Variants in SLC4A7 observed in about 807,000 individuals in gnomAD.
The protein encoded by SLC4A7 is solute carrier family 4 member 7.
A neutral mutation model predicts 137.6 loss-of-function variants in SLC4A7; 51 were observed. That is an observed-to-expected ratio of 0.37 (90% CI 0.30 to 0.47). SLC4A7 has a LOEUF of 0.47. Ranked by LOEUF, SLC4A7 falls within the 20% of genes least tolerant of loss-of-function variation. The probability of loss-of-function intolerance (pLI) is 1.00; values close to 1 mark genes in which losing one functional copy is unlikely to be tolerated. For synonymous variants in SLC4A7, 542 were observed against 518.6 expected, an observed-to-expected ratio of 1.05 and a Z score of -0.61; for missense variants, 1,247 against 1,525.4, an observed-to-expected ratio of 0.82 and a Z score of 3.04.
chr3:27,477,388 G>C (rs910922723), intron 1 of SLC4A7, among the ~76,000 whole-genome samples: 2 of 152,184 alleles, frequency 1.3e-5, no homozygotes, highest in Non-Finnish European at 2.9e-5. Flanking sequence ...TTAAAGATGT[G>C]AACTCACGGG....
At chr3:27,417,429 A>C (rs1464601885) in intron 11 of SLC4A7, among the ~76,000 whole-genome samples, 2 of 152,198 alleles carry the variant, frequency 1.3e-5, no homozygotes. Flanking sequence ...AGGAATATTC[A>C]ACCTCACTAA....
In SLC4A7 at chr3:27,431,669, C is replaced by T; in HGVS notation, c.779G>A (p.Gly260Glu). ...GTGGCGGGAGGCTGAAAGGCCTTCC[C>T]CTGAGATAAAACAAATAAATGAAAA... ...HSDPHLLERN[G>E]EGLSASRHSL... Residue 260 changes from glycine to glutamate, a missense_variant and splice_region_variant, in exon 7 of 26, where the codon GGG (glycine) becomes GAG (glutamate). By Grantham distance (98) the Gly-to-Glu change is moderately conservative (BLOSUM62 -2). Transcript: ENST00000454389. 6 of 1,532,358 alleles carry T rather than the reference C, an allele frequency of 3.9e-6. No homozygotes were observed. Among genetic ancestry groups the T allele is most frequent in the Admixed American group, 4.4e-5 (2 of 45,904 alleles). The allele number at this position is 1,532,358 out of a possible 1,614,324, so 94.9% of individuals were successfully genotyped here.
At position 27,385,976 on chromosome 3, in the gene SLC4A7, C is replaced by T. The variant is rs759654265; in HGVS notation, c.3408G>A (p.Thr1136=). 6.2e-6 allele frequency: 10 copies of T among 1,609,204 alleles called. No individual in the cohort carries two copies. The highest frequency in any genetic ancestry group is 1.6e-4 in the Middle Eastern group (1 of 6,076). The change falls in exon 23 of 26, where the codon ACG becomes ACA. Residue 1136 remains threonine, a synonymous_variant. Coordinates refer to ENST00000454389, the MANE Select transcript of SLC4A7 (RefSeq NM_001321103.2). ...FVRKLMDLCF[T]KRELSWLDDL... The stretch of plus-strand genomic sequence containing the variant: ...CATCAAGCCAACTAAGTTCTCTCTT[C>T]GTGAAACACAGGTCCATGAGTTTGC...
At chr3:27,426,520 T>A (rs892669484) in intron 7 of SLC4A7, among the ~76,000 whole-genome samples, 1 of 152,056 alleles carries the variant, frequency 6.6e-6, no homozygotes, top group South Asian at 2.1e-4. Context: ...TGTATATATA[T>A]CATCAAAAGC....
At chr3:27,384,517 C>T (rs2050741621) in intron 23 of SLC4A7, among the ~76,000 whole-genome samples, 2 of 152,114 alleles carry the variant, frequency 1.3e-5, no homozygotes, top group Non-Finnish European at 2.9e-5. Flanking sequence ...TTACTTGAAA[C>T]ACAAGAATAA....
chr3:27,396,632 T>C (rs2150117479), intron 18 of SLC4A7, among the ~76,000 whole-genome samples: 1 of 152,170 alleles, frequency 6.6e-6, no homozygotes, highest in East Asian at 1.9e-4. Context: ...CAGTGCAATA[T>C]TATAAAATTA....
chr3:27,416,807 TAAG>T (rs1413588868), intron 11 of SLC4A7, among the ~76,000 whole-genome samples: 2 of 152,146 alleles, frequency 1.3e-5, no homozygotes, highest in Non-Finnish European at 2.9e-5. Context: ...CAACATTCTT[TAAG>T]AATACAAAAA....
chr3:27,484,308 T>C lies in SLC4A7; in HGVS notation c.-182A>G, dbSNP rs1331895356. On this transcript the variant is annotated 5_prime_UTR_variant, in exon 1 of 26. Transcript: ENST00000454389. ...CGCCGGGCGCGGGAGACGCGGGGCG[T>C]GCGTGTGCGCGCTGCGACTGCTGGG... 2.6e-6 allele frequency: 1 copy of C among 377,494 alleles called. No homozygotes were observed. Among genetic ancestry groups the C allele is most frequent in the Non-Finnish European group, 4.5e-6 (1 of 220,284 alleles). The allele number at this position is 377,494 out of a possible 1,614,324, so 23.4% of individuals were successfully genotyped here.
chr3:27,404,864 G>C lies in SLC4A7; in HGVS notation c.2041C>G (p.Leu681Val). 6.2e-7 allele frequency: 1 copy of C among 1,609,804 alleles called. No homozygotes were observed. Among genetic ancestry groups the C allele is most frequent in the Non-Finnish European group, 8.5e-7 (1 of 1,178,382 alleles). ...LTILGSTGPV[L>V]VFEKILYKFC... ...TTATATAAAATTTTTTCAAACACTAGAACTGGACCTGTGCTCCCCAATATT... is the reference window on the plus strand; with the variant it reads ...TTATATAAAATTTTTTCAAACACTACAACTGGACCTGTGCTCCCCAATATT... Residue 681 changes from leucine to valine, a missense_variant, in exon 14 of 26, where the codon CTA becomes GTA. Leu to Val is a conservative substitution (Grantham distance 32). This residue lies in a region of SLC4A7 where 499 missense variants were observed against 664.2 expected (regional missense o/e 0.75). Coordinates refer to ENST00000454389, the MANE Select transcript of SLC4A7 (RefSeq NM_001321103.2).
rs377452420 is a variant in SLC4A7 at position 27,483,727 on chromosome 3, CAG to C, written c.60+338_60+339del. ...CCCGCCTGGGGAGCGCGCTAAGAAA[CAG>C]GGGAGGCGAGCGCTGAGGGAAGGGA... is the stretch of plus-strand genomic sequence containing the variant. On this transcript the variant is annotated intron_variant, in intron 1 of 25. Transcript: ENST00000454389. 8.7e-4 allele frequency among the ~76,000 whole-genome samples: 132 copies of C among 152,264 alleles called. No individual in the cohort carries two copies. In the East Asian group the frequency reaches 0.019, roughly 22 times the overall value.
intron 6 of SLC4A7, 87 bp from the exon 7 acceptor site, chr3:27,431,756 A>C: frequency 7.2e-7 from 1 of 1,387,396 alleles, no homozygotes; most frequent in Non-Finnish European, 9.6e-7. Flanking sequence ...TTTACACTAT[A>C]AATTGCATAC....
chr3:27,396,694 C>T (rs1289038245), intron 18 of SLC4A7, among the ~76,000 whole-genome samples: 2 of 152,092 alleles, frequency 1.3e-5, no homozygotes, highest in South Asian at 2.1e-4. Flanking sequence ...TATTTCGGAT[C>T]CCCTTTAAAC....
At chr3:27,419,111 G>A (rs1200353951) in intron 10 of SLC4A7, among the ~76,000 whole-genome samples, 1 of 152,058 alleles carries the variant, frequency 6.6e-6, no homozygotes, top group African/African-American at 2.4e-5. Flanking sequence ...GTAAGGCAAG[G>A]TCCCTATACT....
Position 27,385,947 on chromosome 3 carries a change from A to G in SLC4A7, c.3437T>C (p.Leu1146Pro). The G allele has an allele frequency of 1.2e-6, 2 of 1,600,316 alleles. No individual in the cohort carries two copies. The highest frequency in any genetic ancestry group is 1.7e-6 in the Non-Finnish European group (2 of 1,169,380). Residue 1146 changes from leucine (L) to proline (P), a missense_variant, in exon 23 of 26, where the codon CTT becomes CCT. Leu to Pro is a moderately conservative substitution (Grantham distance 98). Transcript: ENST00000454389. ...TTTCTTTTTCTTACTTTCTGGCATA[A>G]GATCATCAAGCCAACTAAGTTCTCT... Reference protein sequence around the residue: ...TKRELSWLDDLMPESKKKKED... With the variant: ...TKRELSWLDDPMPESKKKKED...
rs1378296300 is a variant in SLC4A7, at chr3:27,408,081, G to A, written c.1941+1275C>T. On this transcript the variant is annotated intron_variant, in intron 13 of 25. Transcript: ENST00000454389. ...AGCTCTTCCTTTATCTCACTCACGT[G>A]TGGCAAAGCACTATGTATATACTAT... 3.9e-5 allele frequency among the ~76,000 whole-genome samples: 6 copies of A among 152,076 alleles called. No individual in the cohort carries two copies. The East Asian group carries it at 1.2e-3, about 29-fold the overall frequency.
At chr3:27,411,605 C>T (rs753731900) in intron 12 of SLC4A7, 37 bp downstream of exon 12, 5 of 1,047,586 alleles carry the variant, frequency 4.8e-6, no homozygotes, top group Non-Finnish European at 1.3e-6. Context: ...ATCAAATCAT[C>T]CCCCAAACCC....
chr3:27,436,364 T>G (rs771446660), intron 5 of SLC4A7, 24 bp downstream of exon 5: 1 of 1,583,620 alleles, frequency 6.3e-7, no homozygotes, highest in Admixed American at 1.7e-5. Flanking sequence ...CTTACATATT[T>G]TTTAAAAGTC....
chr3:27,467,396 CTTCA>C (rs994785819), intron 1 of SLC4A7, among the ~76,000 whole-genome samples: 3 of 152,154 alleles, frequency 2.0e-5, no homozygotes, highest in Non-Finnish European at 2.9e-5. Flanking sequence ...AAAAATTTCA[CTTCA>C]TTATTTTAAA....
chr3:27,461,190 G>C (rs1439364052), intron 1 of SLC4A7, among the ~76,000 whole-genome samples: 1 of 141,372 alleles, frequency 7.1e-6, no homozygotes, highest in Non-Finnish European at 1.5e-5. Flanking sequence ...TACCTAGAAT[G>C]ACAGATTCAT....
Sources: gnomAD v4.1 joint callset for allele counts (sites outside exome capture counted in the v4.1 genomes callset) on GRCh38, gnomAD v4.1.1 for gene constraint, gnomAD v4.1.1 regional missense constraint, MANE v1.5 for transcripts, NCBI Gene and HGNC (gene_info 2026-07-23, HGNC 2026-07-21) for gene names.